The following EHBP1 variants were observed in gnomAD, a reference collection of about 807,000 sequenced individuals.
EHBP1 encodes the protein EH domain binding protein 1.
In EHBP1, 55 loss-of-function variants were observed where a neutral mutation model predicts 144.0. The ratio of observed to expected loss-of-function variants is 0.38; its 90% CI spans 0.31 to 0.48. The LOEUF (loss-of-function observed/expected upper bound fraction) is 0.48, where lower values mean the gene tolerates loss of function less well. EHBP1 is among the 20% of genes least tolerant of loss of function. The pLI, the probability that EHBP1 is intolerant of heterozygous loss-of-function variation, is 0.98. For synonymous variants in EHBP1, 469 were observed against 472.7 expected, an observed-to-expected ratio of 0.99 and a Z score of 0.10; for missense variants, 1,200 against 1,364.2, an observed-to-expected ratio of 0.88 and a Z score of 1.90.
At chr2:62,694,691 A>G (rs1056588161) in intron 1 of EHBP1, among the ~76,000 whole-genome samples, 2 of 152,162 alleles carry the variant, frequency 1.3e-5, no homozygotes, top group African/African-American at 4.8e-5. Flanking sequence ...CACCTCCAGT[A>G]GCCAACTATC....
intron 10 of EHBP1, among the ~76,000 whole-genome samples, chr2:62,925,749 A>G (rs1261608476): frequency 3.9e-5 from 6 of 152,168 alleles, no homozygotes; most frequent in Non-Finnish European, 1.5e-5. Flanking sequence ...TGATGAAAGA[A>G]ATTGAAGAGG....
chr2:62,913,890 G>A (rs1269196540), intron 10 of EHBP1, among the ~76,000 whole-genome samples: 1 of 151,940 alleles, frequency 6.6e-6, no homozygotes, highest in African/African-American at 2.4e-5. Context: ...GATTTTCCTG[G>A]GTAAATGAAT....
intron 1 of EHBP1, among the ~76,000 whole-genome samples, chr2:62,674,444 G>A (rs553760140): frequency 2.6e-5 from 4 of 152,256 alleles, no homozygotes; most frequent in South Asian, 2.1e-4. Context: ...GTGCTGTATC[G>A]AGTTGGTTGT....
Position 62,836,222 on chromosome 2 carries a change from G to A in EHBP1, c.634+5064G>A, listed in dbSNP as rs867055689. On this transcript the variant is annotated intron_variant, in intron 7 of 22. Transcript: ENST00000431489. ...CAGCCTAACTGGGAGGCACCCCCCA[G>A]CAGGGGCACACTGACACCTCACACA... Among the ~76,000 whole-genome samples, 324 of 152,240 alleles carry A rather than the reference G, an allele frequency of 2.1e-3. 2 individuals carry two copies. Among genetic ancestry groups the A allele is most frequent in the African/African-American group, 6.8e-3 (284 of 41,534 alleles).
intron 2 of EHBP1, among the ~76,000 whole-genome samples, chr2:62,724,076 G>T (rs566427332): frequency 1.4e-4 from 22 of 152,310 alleles, no homozygotes; most frequent in Middle Eastern, 6.8e-3. Context: ...TTTCCGAGTT[G>T]CTTACACTCT....
intron 2 of EHBP1, chr2:62,726,660 G>A (rs1308117516): frequency 1.3e-5 from 2 of 152,120 alleles, no homozygotes; most frequent in Non-Finnish European, 2.9e-5. Flanking sequence ...GTGCACTATT[G>A]AGAAAGGGGG....
At chr2:63,009,210 G>GA (rs1261369134) in intron 19 of EHBP1, among the ~76,000 whole-genome samples, 1 of 151,632 alleles carries the variant, frequency 6.6e-6, no homozygotes, top group Non-Finnish European at 1.5e-5. Flanking sequence ...ATTCCCAAGA[G>GA]AATACTTTAC....
At chr2:62,799,355 C>A (rs1300630127) in intron 5 of EHBP1, among the ~76,000 whole-genome samples, 1 of 152,120 alleles carries the variant, frequency 6.6e-6, no homozygotes. Context: ...TTTTTGCACA[C>A]TGTATTTTAG....
upstream of EHBP1, among the ~76,000 whole-genome samples, chr2:62,701,629 G>T (rs1161923133): frequency 6.6e-6 from 1 of 152,144 alleles, no homozygotes; most frequent in Non-Finnish European, 1.5e-5. Flanking sequence ...TTGGGGTGGG[G>T]TATAAGAGGA....
At chr2:62,911,168 C>T (rs2054184439) in intron 10 of EHBP1, among the ~76,000 whole-genome samples, 1 of 152,138 alleles carries the variant, frequency 6.6e-6, no homozygotes, top group Non-Finnish European at 1.5e-5. Context: ...CACTACCAAG[C>T]CCACAGATGA....
At chr2:62,848,508 A>G (rs1039999824) in intron 7 of EHBP1, among the ~76,000 whole-genome samples, 2 of 152,226 alleles carry the variant, frequency 1.3e-5, no homozygotes, top group Non-Finnish European at 2.9e-5. Flanking sequence ...TTTATTCGTA[A>G]TAGTCCCAAA....
intron 10 of EHBP1, among the ~76,000 whole-genome samples, chr2:62,882,256 G>A (rs1009897307): frequency 1.3e-5 from 2 of 152,050 alleles, no homozygotes; most frequent in Non-Finnish European, 2.9e-5. Flanking sequence ...TTTATATCAC[G>A]TGTTTTTTTC....
At chr2:63,029,277 G>T (rs938357126) in intron 19 of EHBP1, among the ~76,000 whole-genome samples, 3 of 151,838 alleles carry the variant, frequency 2.0e-5, no homozygotes, top group Admixed American at 1.3e-4. Context: ...AGATGGGTTT[G>T]TACTGATTCA....
rs116325375 is a variant in EHBP1 at position 62,981,903 on chromosome 2, G to A, written c.2608+2568G>A. Among the ~76,000 whole-genome samples the A allele has an allele frequency of 2.5e-3, 377 of 152,260 alleles. 2 individuals are homozygous for A. Among genetic ancestry groups the A allele is most frequent in the African/African-American group, 8.5e-3 (355 of 41,570 alleles). The stretch of plus-strand genomic sequence containing the variant: ...CCTGAAGGAGACCAAAGTGACCAGG[G>A]TCTATTTTCCCCATAGGACACAGCA... On this transcript the variant is annotated intron_variant, in intron 15 of 22. Transcript: ENST00000431489.
intron 9 of EHBP1, among the ~76,000 whole-genome samples, chr2:62,868,654 T>TAA (rs112718818): frequency 6.6e-6 from 1 of 151,480 alleles, no homozygotes; most frequent in African/African-American, 2.4e-5. Flanking sequence ...AACTCAGTAA[T>TAA]AAGAAAGGGG....
intron 1 of EHBP1, among the ~76,000 whole-genome samples, chr2:62,681,361 A>ATATATATATATATATATATATATATAG (rs2033519955): frequency 6.9e-5 from 1 of 14,528 alleles, no homozygotes; most frequent in Admixed American, 8.8e-4. Flanking sequence ...TATATATATA[A>ATATATATATATATATATATATATATAG]TGTGTATATA....
chr2:62,859,050 C>A, intron 7 of EHBP1, 119 bp from the exon 8 acceptor site: 1 of 936,028 alleles, frequency 1.1e-6, no homozygotes, highest in Non-Finnish European at 1.6e-6. Context: ...TGGTAAAATG[C>A]TATATACTAT....
intron 15 of EHBP1, among the ~76,000 whole-genome samples, chr2:62,987,515 T>C (rs928828622): frequency 2.0e-5 from 3 of 152,336 alleles, no homozygotes; most frequent in African/African-American, 7.2e-5. Context: ...GAATGTGTGC[T>C]TATTTATGCA....
chr2:63,028,540 C>G (rs906922797), intron 19 of EHBP1, among the ~76,000 whole-genome samples: 1 of 151,842 alleles, frequency 6.6e-6, no homozygotes, highest in South Asian at 2.1e-4. Context: ...GTACCTGATA[C>G]TACAGGCATG....
Sources: allele counts gnomAD v4.1 joint callset (sites outside exome capture counted in the v4.1 genomes callset), GRCh38; gene constraint gnomAD v4.1.1; transcripts MANE v1.5; gene names NCBI Gene and HGNC (gene_info 2026-07-23, HGNC 2026-07-21).